Variants in SPTAN1 observed in about 807,000 individuals in gnomAD.
SPTAN1 encodes spectrin alpha chain, non-erythrocytic 1.
SPTAN1 carries 61 observed loss-of-function variants against 331.3 expected under a neutral mutation model. The observed-to-expected ratio is 0.18, with a 90% CI of 0.15 to 0.23. The LOEUF is 0.23. Ranked by LOEUF, SPTAN1 falls within the 10% of genes least tolerant of loss-of-function variation. The pLI, the probability that SPTAN1 is intolerant of heterozygous loss-of-function variation, is 1.00. For missense variants in SPTAN1, 2,043 were observed against 3,147.9 expected (o/e 0.65, Z 8.40); for synonymous variants, 1,153 against 1,173.9 (o/e 0.98, Z 0.36).
At position 128,588,867 on chromosome 9, in the gene SPTAN1, A is replaced by T; in HGVS notation, c.2930A>T (p.Asp977Val). The change falls in exon 21 of 57, where the codon GAC (aspartate) becomes GTC (valine). Residue 977 changes from aspartate (D) to valine (V), a missense_variant. Around this residue, in one of 12 missense-constraint regions of SPTAN1, gnomAD observed 1,038 missense variants for 1,531.5 expected, o/e 0.68. Transcript: ENST00000372739. Reference protein sequence around the residue: ...TGKELVLALYDYQEKSPREVT... With the variant: ...TGKELVLALYVYQEKSPREVT... ...AAGGAGCTGGTCTTGGCTCTCTACG[A>T]CTATCAGGAGAAGAGTCCCCGAGAG... 1 of 1,614,184 alleles carries T rather than the reference A, an allele frequency of 6.2e-7. No homozygotes were observed. Among genetic ancestry groups the T allele is most frequent in the Non-Finnish European group, 8.5e-7 (1 of 1,180,034 alleles).
intron 26 of SPTAN1, chr9:128,599,828 C>T (rs1010832073): frequency 3.9e-5 from 21 of 536,140 alleles, no homozygotes; most frequent in African/African-American, 3.8e-4. Context: ...TATTAAATTT[C>T]TTTATTCTCT....
At chr9:128,586,112 GTTTTTTTT>G (rs35434571) in intron 19 of SPTAN1, 147 bp downstream of exon 19, 15 of 266,108 alleles carry the variant, frequency 5.6e-5, no homozygotes, top group African/African-American at 1.0e-4. Context: ...TTTTCACTTG[GTTTTTTTT>G]TTTTTTTTTT....
chr9:128,607,608 C>T lies in SPTAN1; in HGVS notation c.4051C>T (p.Leu1351Phe). 6.2e-7 allele frequency: 1 copy of T among 1,613,834 alleles called. No homozygotes were observed. Among genetic ancestry groups the T allele is most frequent in the African/African-American group, 1.3e-5 (1 of 74,986 alleles). ...TTCTGGGGTGCTGGTTTCCAGGGAC[C>T]TCATGTCTTGGATCAATGGAATACG... Reference protein sequence around the residue: ...LQRFLSDFRDLMSWINGIRGL... With the variant: ...LQRFLSDFRDFMSWINGIRGL... Residue 1351 changes from leucine to phenylalanine, a missense_variant, in exon 32 of 57, where the codon CTC becomes TTC. Coordinates refer to ENST00000372739, the MANE Select transcript of SPTAN1 (RefSeq NM_001130438.3).
intron 45 of SPTAN1, chr9:128,622,167 T>G (rs1857954320): frequency 6.6e-6 from 1 of 152,240 alleles, no homozygotes; most frequent in South Asian, 2.1e-4. Flanking sequence ...TACAGCCATG[T>G]ATAGATGTAG....
intron 3 of SPTAN1, 79 bp downstream of exon 3, chr9:128,568,976 G>C: frequency 6.3e-7 from 1 of 1,597,044 alleles, no homozygotes; most frequent in Non-Finnish European, 8.6e-7. Flanking sequence ...GTCAGTTTGG[G>C]TTCCCAAAAA....
At chr9:128,567,401 C>T (rs140643168) in intron 2 of SPTAN1, among the ~76,000 whole-genome samples, 3,046 of 152,294 alleles carry the variant, frequency 0.02, 101 homozygotes, top group African/African-American at 0.069. Context: ...GAGTGATTCT[C>T]CAGCCTCAGC....
chr9:128,600,761 C>T (rs569214868), intron 27 of SPTAN1, among the ~76,000 whole-genome samples: 1 of 151,928 alleles, frequency 6.6e-6, no homozygotes, highest in Admixed American at 6.6e-5. Flanking sequence ...CTCCCCAGTT[C>T]GAGCAATTCT....
rs548564730 is a variant in SPTAN1, at chr9:128,605,717, C to T, written c.4046+240C>T. ...AATTTAAAAATCAAAAACGGCCAGG[C>T]ACAGTGGCTCACGTCTATAACCCCA... is the stretch of plus-strand genomic sequence containing the variant. On this transcript the variant is annotated intron_variant, in intron 31 of 56. Coordinates refer to ENST00000372739, the MANE Select transcript of SPTAN1 (RefSeq NM_001130438.3). Among the ~76,000 whole-genome samples the T allele has an allele frequency of 1.5e-4, 23 of 152,176 alleles. No homozygotes were observed. In the South Asian group the frequency reaches 4.4e-3, roughly 29 times the overall value.
chr9:128,557,439 ATGTT>A (rs2132683023), intron 1 of SPTAN1, among the ~76,000 whole-genome samples: 1 of 152,266 alleles, frequency 6.6e-6, no homozygotes, highest in African/African-American at 2.4e-5. Context: ...TGGTTCGAAA[ATGTT>A]TGTATCTGCA....
chr9:128,555,338 T>C, intron 1 of SPTAN1: 1 of 1,288,692 alleles, frequency 7.8e-7, no homozygotes, highest in South Asian at 1.2e-5. Flanking sequence ...CTCTTCCCCC[T>C]CCCTCTTTAG....
intron 3 of SPTAN1, among the ~76,000 whole-genome samples, chr9:128,569,678 C>G (rs1284306322): frequency 6.6e-6 from 1 of 151,882 alleles, no homozygotes; most frequent in South Asian, 2.1e-4. Flanking sequence ...TGAGGCCCAG[C>G]CTTTTCTAGT....
chr9:128,618,605 T>A (rs1857469384), intron 43 of SPTAN1, among the ~76,000 whole-genome samples: 1 of 152,000 alleles, frequency 6.6e-6, no homozygotes, highest in Non-Finnish European at 1.5e-5. Flanking sequence ...TGCCTCAGCC[T>A]CCCGAGTAGC....
chr9:128,611,780 G>T lies in SPTAN1; in HGVS notation c.4840G>T (p.Val1614Phe). 1 of 1,614,168 alleles carries T rather than the reference G, an allele frequency of 6.2e-7. No individual in the cohort carries two copies. Among genetic ancestry groups the T allele is most frequent in the Non-Finnish European group, 8.5e-7 (1 of 1,180,034 alleles). The change falls in exon 38 of 57, where the codon GTT (valine) becomes TTT (phenylalanine). Residue 1614 changes from valine to phenylalanine, a missense_variant. This residue lies in a region of SPTAN1 where 323 missense variants were observed against 581.1 expected (regional missense o/e 0.56). Coordinates refer to ENST00000372739, the MANE Select transcript of SPTAN1 (RefSeq NM_001130438.3). ...LHANADRIRG[V>F]IDMGNSLIER... The stretch of plus-strand genomic sequence containing the variant: ...TGCCAACGCTGACCGGATCCGTGGG[G>T]TTATCGACATGGGCAACTCCCTCAT...
Position 128,582,526 on chromosome 9 carries a change from A to G in SPTAN1, c.1620A>G (p.Ala540=). Residue 540 remains alanine, a synonymous_variant, in exon 13 of 57, where the codon GCA becomes GCG. Transcript: ENST00000372739. ...AGCTAATTCAGAACAACCACTATGC[A>G]ATGGAAGATGTGGCCACTCGCCGAG... ...ATKLIQNNHY[A]MEDVATRRDA... The G allele has an allele frequency of 6.2e-7, 1 of 1,614,128 alleles. No individual in the cohort carries two copies. Among genetic ancestry groups the G allele is most frequent in the Non-Finnish European group, 8.5e-7 (1 of 1,180,028 alleles).
intron 11 of SPTAN1, 75 bp from the exon 12 acceptor site, chr9:128,581,707 A>T: frequency 8.2e-7 from 1 of 1,221,662 alleles, no homozygotes; most frequent in South Asian, 1.2e-5. Flanking sequence ...TTTGGCCAAA[A>T]TACCCTTTGC....
chr9:128,607,920 G>A lies in SPTAN1; in HGVS notation c.4215G>A (p.Leu1405=), dbSNP rs754607337. The change falls in exon 33 of 57, where the codon CTG becomes CTA. Residue 1405 remains leucine (L), a synonymous_variant. Transcript: ENST00000372739. The part of the protein sequence containing the change: ...FQAFEQFGQQ[L]LAHGHYASPE... The stretch of plus-strand genomic sequence containing the variant: ...CATTTGAGCAGTTTGGACAGCAGCT[G>A]TTGGCTCACGGACACTATGCCAGCC... 12 of 1,614,010 alleles carry A rather than the reference G, an allele frequency of 7.4e-6. No homozygotes were observed. The highest frequency in any genetic ancestry group is 1.3e-5 in the African/African-American group (1 of 74,914).
At chr9:128,585,074 G>C (rs1037259807) in intron 18 of SPTAN1, among the ~76,000 whole-genome samples, 13 of 151,108 alleles carry the variant, frequency 8.6e-5, no homozygotes, top group Non-Finnish European at 1.9e-4. Context: ...GAGTGCAGTG[G>C]CGCGGTCTCA....
chr9:128,632,380 A>AGTC (rs1431694509), intron 53 of SPTAN1, 51 bp from the exon 54 acceptor site: 2 of 1,613,696 alleles, frequency 1.2e-6, no homozygotes, highest in South Asian at 2.2e-5. Flanking sequence ...GAAAAGACAC[A>AGTC]GTCACCTGCT....
At chr9:128,614,671 C>T (rs1019343471) in intron 40 of SPTAN1, among the ~76,000 whole-genome samples, 1 of 151,938 alleles carries the variant, frequency 6.6e-6, no homozygotes, top group Admixed American at 6.6e-5. Flanking sequence ...ACTTGGAGGC[C>T]GAGGCGGGAG....
Sources: gnomAD v4.1 joint callset for allele counts (sites outside exome capture counted in the v4.1 genomes callset) on GRCh38, gnomAD v4.1.1 for gene constraint, gnomAD v4.1.1 regional missense constraint, MANE v1.5 for transcripts, NCBI Gene and HGNC (gene_info 2026-07-23, HGNC 2026-07-21) for gene names.